Variants in GLB1L2 observed in about 807,000 individuals in gnomAD.
The protein encoded by GLB1L2 is galactosidase beta 1 like 2.
In GLB1L2, 68 loss-of-function variants were observed where a neutral mutation model predicts 84.1. The observed-to-expected ratio is 0.81, with a 90% CI of 0.67 to 0.99. GLB1L2 has a LOEUF of 0.99. Ranked by LOEUF, GLB1L2 falls within the 50% of genes least tolerant of loss-of-function variation. The pLI, the probability that GLB1L2 is intolerant of heterozygous loss-of-function variation, is 0.00. For synonymous variants in GLB1L2, 290 were observed against 318.0 expected, an observed-to-expected ratio of 0.91 and a Z score of 0.94; for missense variants, 762 against 805.6, an observed-to-expected ratio of 0.95 and a Z score of 0.66.
Position 134,359,129 on chromosome 11 carries a change from A to T in GLB1L2, c.721A>T (p.Ile241Phe), listed in dbSNP as rs985395411. 1 of 1,603,306 alleles carries T rather than the reference A, an allele frequency of 6.2e-7. No homozygotes were observed. Among genetic ancestry groups the T allele is most frequent in the African/African-American group, 1.3e-5 (1 of 74,532 alleles). ...SDNKDGLSKG[I>F]VQGVLATINL... is the part of the protein sequence containing the mutation. ...CAACAAGGATGGGCTGAGCAAGGGGATTGTCCAGGGAGGTAACTGCACTTG... is the reference window on the plus strand; with the variant it reads ...CAACAAGGATGGGCTGAGCAAGGGGTTTGTCCAGGGAGGTAACTGCACTTG... Residue 241 changes from isoleucine to phenylalanine, a missense_variant, in exon 7 of 19, where the codon ATT becomes TTT. By Grantham distance (21) the Ile-to-Phe change is conservative. Coordinates refer to ENST00000535456, the MANE Select transcript of GLB1L2 (RefSeq NM_001370461.1).
At chr11:134,347,763 G>A (rs1436385976) in intron 5 of GLB1L2, among the ~76,000 whole-genome samples, 2 of 152,216 alleles carry the variant, frequency 1.3e-5, no homozygotes, top group Non-Finnish European at 2.9e-5. Flanking sequence ...CAGAGACAGG[G>A]ATGAGGTGAT....
intron 3 of GLB1L2, among the ~76,000 whole-genome samples, 160 bp downstream of exon 3, chr11:134,344,615 G>A (rs532897108): frequency 0.058 from 6,803 of 117,446 alleles, 44 homozygotes; most frequent in African/African-American, 0.069. Flanking sequence ...ACGCTCCCCA[G>A]TCGTGACCTG....
At chr11:134,335,674 C>T (rs1943375499) in intron 1 of GLB1L2, among the ~76,000 whole-genome samples, 1 of 152,086 alleles carries the variant, frequency 6.6e-6, no homozygotes, top group African/African-American at 2.4e-5. Context: ...AGAGCCTGGG[C>T]TGCAGAAATA....
chr11:134,364,144 G>T (rs1489109685), intron 7 of GLB1L2, among the ~76,000 whole-genome samples, 184 bp from the exon 8 acceptor site: 1 of 152,170 alleles, frequency 6.6e-6, no homozygotes, highest in Non-Finnish European at 1.5e-5. Context: ...GCCTCCCAAA[G>T]TGTTGGGGTT....
chr11:134,347,507 CA>C, intron 5 of GLB1L2, 74 bp downstream of exon 5: 1 of 1,034,590 alleles, frequency 9.7e-7, no homozygotes, highest in Non-Finnish European at 1.5e-6. Flanking sequence ...GGTTAGTTCT[CA>C]GACCAAGGGT....
intron 5 of GLB1L2, among the ~76,000 whole-genome samples, chr11:134,348,199 G>C (rs1156653828): frequency 6.6e-6 from 1 of 152,176 alleles, no homozygotes; most frequent in Non-Finnish European, 1.5e-5. Flanking sequence ...AACACAGGAT[G>C]CTCAGTTATA....
At chr11:134,371,980 G>A (rs1269447391) in intron 15 of GLB1L2, 150 bp downstream of exon 15, 5 of 699,796 alleles carry the variant, frequency 7.1e-6, no homozygotes, top group African/African-American at 1.8e-5. Context: ...AGTTCTGAGT[G>A]GGCCAGAGAA....
rs187607212 is a variant in GLB1L2, at chr11:134,361,845, G to A, written c.734-2483G>A. 7.7e-3 allele frequency among the ~76,000 whole-genome samples: 1,179 copies of A among 152,266 alleles called. 11 individuals are homozygous for A. Among genetic ancestry groups the A allele is most frequent in the Non-Finnish European group, 0.011 (773 of 68,020 alleles). On this transcript the variant is annotated intron_variant, in intron 7 of 18. Coordinates refer to ENST00000535456, the MANE Select transcript of GLB1L2 (RefSeq NM_001370461.1). ...GTTTCTTGGTGCTCCGTGGCTTCCC[G>A]GCACCTGCTGTTGCTGCTTCGGCAC... is the stretch of plus-strand genomic sequence containing the variant.
chr11:134,349,059 C>G (rs1943589988), intron 5 of GLB1L2, among the ~76,000 whole-genome samples: 1 of 152,164 alleles, frequency 6.6e-6, no homozygotes, highest in African/African-American at 2.4e-5. Flanking sequence ...CTGTCTATCT[C>G]CAGTCCTTTT....
At chr11:134,352,836 C>G (rs892973154) in intron 5 of GLB1L2, among the ~76,000 whole-genome samples, 1 of 151,882 alleles carries the variant, frequency 6.6e-6, no homozygotes, top group Non-Finnish European at 1.5e-5. Context: ...TTAGTAGAGA[C>G]GGGGTTTCCC....
chr11:134,343,165 C>G (rs1943494959), intron 2 of GLB1L2, among the ~76,000 whole-genome samples: 1 of 152,096 alleles, frequency 6.6e-6, no homozygotes, highest in Admixed American at 6.5e-5. Context: ...GTAGCAATGT[C>G]GCACAAAAGA....
rs1226399077 is a variant in GLB1L2 at position 134,368,892 on chromosome 11, A to G, written c.1027+111A>G. The G allele has an allele frequency of 3.5e-6, 4 of 1,127,258 alleles. No homozygotes were observed. The African/African-American group carries it at 4.6e-5, about 13-fold the overall frequency. The allele number at this position is 1,127,258 out of a possible 1,614,324, so 69.8% of individuals were successfully genotyped here. A position where few individuals can be genotyped will look rare whatever the true frequency, so the allele number is the denominator to read the frequency against. On this transcript the variant is annotated intron_variant, in intron 10 of 18. Transcript: ENST00000535456. ...TTCTGGCACCTTCGTGTCTTTGGCAATAGAGTACCTGGAGAAGGTACTTGC... is the reference window on the plus strand; with the variant it reads ...TTCTGGCACCTTCGTGTCTTTGGCAGTAGAGTACCTGGAGAAGGTACTTGC...
At chr11:134,364,539 C>T (rs1943840468) in intron 8 of GLB1L2, 141 bp downstream of exon 8, 3 of 688,072 alleles carry the variant, frequency 4.4e-6, no homozygotes, top group Non-Finnish European at 5.0e-6. Context: ...GCCCATGCCA[C>T]TGTGTGCCTG....
At chr11:134,372,092 C>G (rs1383912595) in intron 15 of GLB1L2, among the ~76,000 whole-genome samples, 1 of 152,166 alleles carries the variant, frequency 6.6e-6, no homozygotes, top group African/African-American at 2.4e-5. Flanking sequence ...TCTTGTCTCC[C>G]CTGGGCTGCA....
At chr11:134,371,704 G>A in intron 14 of GLB1L2, 48 bp from the exon 15 acceptor site, 1 of 1,581,108 alleles carries the variant, frequency 6.3e-7, no homozygotes, top group East Asian at 2.2e-5. Context: ...ATTCTGAGGG[G>A]CAGCTGTGGC....
intron 1 of GLB1L2, among the ~76,000 whole-genome samples, chr11:134,335,889 G>C (rs138577026): frequency 2.0e-5 from 3 of 152,102 alleles, no homozygotes; most frequent in African/African-American, 7.2e-5. Context: ...GTCTAGGCAC[G>C]TCCTCCCTCC....
At chr11:134,373,874 GT>G in intron 16 of GLB1L2, 66 bp downstream of exon 16, 12 of 1,193,130 alleles carry the variant, frequency 1.0e-5, no homozygotes, top group African/African-American at 1.5e-5. Context: ...GGGCCCAGGG[GT>G]CCCTGGTGCA....
At chr11:134,354,399 A>T (rs952515745) in intron 5 of GLB1L2, among the ~76,000 whole-genome samples, 6 of 152,162 alleles carry the variant, frequency 3.9e-5, no homozygotes, top group African/African-American at 1.4e-4. Context: ...ATCTTGTAGA[A>T]AATAAAAAGC....
At chr11:134,347,817 C>T (rs1032978264) in intron 5 of GLB1L2, among the ~76,000 whole-genome samples, 6 of 152,160 alleles carry the variant, frequency 3.9e-5, no homozygotes, top group East Asian at 1.9e-4. Flanking sequence ...AGTAGCACTG[C>T]GGCTCAGTTT....
Sources: allele counts gnomAD v4.1 joint callset (sites outside exome capture counted in the v4.1 genomes callset), GRCh38; gene constraint gnomAD v4.1.1; transcripts MANE v1.5; gene names NCBI Gene and HGNC (gene_info 2026-07-23, HGNC 2026-07-21).